MSH3: variants seen among roughly 807,000 people sequenced by gnomAD.
MSH3 encodes DNA mismatch repair protein Msh3.
MSH3 carries 106 observed loss-of-function variants against 123.3 expected under a neutral mutation model. The observed-to-expected ratio is 0.86, with a 90% CI of 0.73 to 1.01. The LOEUF (loss-of-function observed/expected upper bound fraction) is 1.01, where lower values mean the gene tolerates loss of function less well. Among genes scored for constraint, MSH3 ranks in the 50% least tolerant of loss-of-function variants. MSH3 has a pLI of 0.00. For missense variants in MSH3, 1,459 were observed against 1,347.6 expected (o/e 1.08, Z -1.29); for synonymous variants, 515 against 481.4 (o/e 1.07, Z -0.91).
In MSH3 at chr5:80,674,899, G is replaced by A. The variant is rs981584300; in HGVS notation, c.1028-84G>A. 2.5e-6 allele frequency: 3 copies of A among 1,206,710 alleles called. No homozygotes were observed. In the South Asian group the frequency reaches 4.1e-5, roughly 16 times the overall value. 74.8% of individuals were successfully genotyped at this position (1,206,710 alleles called of 1,614,324 possible). A position where few individuals can be genotyped will look rare whatever the true frequency, so the allele number is the denominator to read the frequency against. On this transcript the variant is annotated intron_variant, in intron 6 of 23. Coordinates refer to ENST00000265081, the MANE Select transcript of MSH3 (RefSeq NM_002439.5). ...CTGGCTGTGAACCATTATTTTAAAG[G>A]AGAAAATAGTTAATATTATTGGAAA... is the stretch of plus-strand genomic sequence containing the variant.
At chr5:80,842,129 G>A (rs1580083906) in intron 20 of MSH3, among the ~76,000 whole-genome samples, 1 of 152,174 alleles carries the variant, frequency 6.6e-6, no homozygotes, top group Non-Finnish European at 1.5e-5. Flanking sequence ...CATATGGCTA[G>A]CCAGTTTTCC....
chr5:80,732,745 G>T (rs1580591981), intron 10 of MSH3, among the ~76,000 whole-genome samples: 3 of 152,250 alleles, frequency 2.0e-5, no homozygotes, highest in Middle Eastern at 6.8e-3. Flanking sequence ...AAATCTGGAA[G>T]CCAATCAATG....
intron 8 of MSH3, among the ~76,000 whole-genome samples, chr5:80,700,523 T>C (rs369657443): frequency 9.9e-5 from 15 of 152,220 alleles, no homozygotes; most frequent in African/African-American, 3.4e-4. Context: ...AAAAATTACA[T>C]TAATTTCTTC....
chr5:80,679,406 C>T (rs1749917837), intron 8 of MSH3, among the ~76,000 whole-genome samples: 1 of 152,126 alleles, frequency 6.6e-6, no homozygotes, highest in African/African-American at 2.4e-5. Context: ...CCCCTACTAT[C>T]ACCTTAATGT....
intron 19 of MSH3, among the ~76,000 whole-genome samples, chr5:80,809,274 A>G (rs1268217210): frequency 6.6e-6 from 1 of 152,126 alleles, no homozygotes; most frequent in Non-Finnish European, 1.5e-5. Context: ...CCAGAAATGG[A>G]ACCTCAGTCT....
intron 18 of MSH3, among the ~76,000 whole-genome samples, chr5:80,789,030 A>G (rs764052591): frequency 2.5e-4 from 38 of 152,244 alleles, no homozygotes; most frequent in African/African-American, 2.6e-4. Context: ...GTCATTATAT[A>G]ATTTTGATAG....
intron 12 of MSH3, among the ~76,000 whole-genome samples, chr5:80,759,324 T>A (rs1313335569): frequency 6.6e-6 from 1 of 152,138 alleles, no homozygotes; most frequent in Non-Finnish European, 1.5e-5. Flanking sequence ...TCTGGTCTAG[T>A]GAATCTAGAA....
At chr5:80,736,250 G>C (rs1359571416) in intron 10 of MSH3, among the ~76,000 whole-genome samples, 11 of 26,046 alleles carry the variant, frequency 4.2e-4, no homozygotes, top group African/African-American at 1.5e-4. Context: ...CCCTAAAAAA[G>C]AAAAACTACT....
chr5:80,671,580 G>A (rs1379700146), intron 4 of MSH3, among the ~76,000 whole-genome samples: 4 of 152,142 alleles, frequency 2.6e-5, no homozygotes, highest in Non-Finnish European at 1.5e-5. Context: ...ACCTGACCAC[G>A]GTAAAGGCTG....
chr5:80,799,562 A>C (rs1751280532), intron 19 of MSH3, among the ~76,000 whole-genome samples: 1 of 128,868 alleles, frequency 7.8e-6, no homozygotes, highest in African/African-American at 3.0e-5. Context: ...GGTCTTAGAA[A>C]TTAACATGTG....
chr5:80,753,264 C>T (rs1743867804), intron 12 of MSH3, among the ~76,000 whole-genome samples: 1 of 152,096 alleles, frequency 6.6e-6, no homozygotes. Context: ...ACCAAGGCTT[C>T]CAGGGATGGC....
At chr5:80,742,366 C>T (rs550561906) in intron 11 of MSH3, among the ~76,000 whole-genome samples, 4 of 152,220 alleles carry the variant, frequency 2.6e-5, no homozygotes, top group South Asian at 2.1e-4. Flanking sequence ...AGGAAGATAA[C>T]GGGGAGATTA....
At position 80,658,035 on chromosome 5, in the gene MSH3, C is replaced by CCTT. The variant is rs369384745; in HGVS notation, c.358+1504_358+1505insCTT. 2.0e-3 allele frequency among the ~76,000 whole-genome samples: 172 copies of CCTT among 87,194 alleles called. 10 individuals are homozygous for CCTT. The highest frequency in any genetic ancestry group is 0.017 in the Middle Eastern group (3 of 180). The allele number at this position is 87,194 out of a possible 152,430, so 57.2% of individuals were successfully genotyped here. On this transcript the variant is annotated intron_variant, in intron 2 of 23. Coordinates refer to ENST00000265081, the MANE Select transcript of MSH3 (RefSeq NM_002439.5). Reference sequence around the variant, plus strand: ...ATTTTTCCTAAGAATGCTTTTTGCCCTCTTTTTTTTTTTTTGAGATAGGGT... The same window carrying CCTT: ...ATTTTTCCTAAGAATGCTTTTTGCCCCTTTCTTTTTTTTTTTTTGAGATAGGGT...
chr5:80,809,273 G>C (rs1744964168), intron 19 of MSH3, among the ~76,000 whole-genome samples: 1 of 152,040 alleles, frequency 6.6e-6, no homozygotes, highest in African/African-American at 2.4e-5. Context: ...GCCAGAAATG[G>C]AACCTCAGTC....
intron 10 of MSH3, among the ~76,000 whole-genome samples, chr5:80,729,400 C>T (rs536291508): frequency 5.1e-4 from 55 of 108,640 alleles, no homozygotes; most frequent in African/African-American, 2.0e-3. Flanking sequence ...TGGGCGACAG[C>T]GAGACTCCGT....
chr5:80,769,108 A>C (rs1744173641), intron 15 of MSH3, 105 bp downstream of exon 15: 1 of 1,049,576 alleles, frequency 9.5e-7, no homozygotes. Flanking sequence ...TATCTTTTCA[A>C]ATTTTCTGTT....
intron 2 of MSH3, among the ~76,000 whole-genome samples, chr5:80,664,117 C>G (rs1032554522): frequency 6.6e-6 from 1 of 152,282 alleles, no homozygotes; most frequent in East Asian, 1.9e-4. Context: ...AATTGGCAGA[C>G]TGTGATGAGT....
intron 20 of MSH3, among the ~76,000 whole-genome samples, chr5:80,835,382 G>A (rs1745490813): frequency 6.6e-6 from 1 of 152,182 alleles, no homozygotes; most frequent in Admixed American, 6.5e-5. Context: ...ATCTCAAAGC[G>A]AGGCAGGCTG....
intron 10 of MSH3, among the ~76,000 whole-genome samples, chr5:80,731,433 C>T (rs1397561215): frequency 6.6e-6 from 1 of 151,946 alleles, no homozygotes; most frequent in African/African-American, 2.4e-5. Flanking sequence ...TTCCATGGAG[C>T]CAAAGCCAAA....
Sources: allele counts gnomAD v4.1 joint callset (sites outside exome capture counted in the v4.1 genomes callset), GRCh38; gene constraint gnomAD v4.1.1; transcripts MANE v1.5; gene names NCBI Gene and HGNC (gene_info 2026-07-23, HGNC 2026-07-21).